Variants in LIMD1 observed in about 807,000 individuals in gnomAD.
The protein encoded by LIMD1 is LIM domain containing 1, also known as LIM domain-containing protein 1.
LIMD1 carries 23 observed loss-of-function variants against 58.4 expected under a neutral mutation model. That is an observed-to-expected ratio of 0.39 (90% CI 0.28 to 0.56). The LOEUF is 0.56. Ranked by LOEUF, LIMD1 falls within the 20% of genes least tolerant of loss-of-function variation. LIMD1 has a pLI of 0.57. For synonymous variants in LIMD1, 334 were observed against 345.5 expected (o/e 0.97, Z 0.37); for missense variants, 838 against 855.5 (o/e 0.98, Z 0.25).
At chr3:45,647,001 A>C (rs1354878648) in intron 2 of LIMD1, among the ~76,000 whole-genome samples, 2 of 152,168 alleles carry the variant, frequency 1.3e-5, no homozygotes, top group Non-Finnish European at 2.9e-5. Flanking sequence ...ATTAGTAGGA[A>C]ATTATTCATG....
Position 45,595,509 on chromosome 3 carries a change from C to T in LIMD1, c.630C>T (p.Ser210=). Residue 210 remains serine (S), a synonymous_variant, in exon 1 of 8, where the codon AGC becomes AGT. Coordinates refer to ENST00000273317, the MANE Select transcript of LIMD1 (RefSeq NM_014240.3). ...IGLSVGSGWP[S]SPGSDPPLPK... is the part of the protein sequence containing the mutation. ...TGAGTGTAGGGAGTGGGTGGCCTAG[C>T]TCCCCGGGGAGTGACCCACCACTGC... 6.2e-7 allele frequency: 1 copy of T among 1,613,996 alleles called. No homozygotes were observed. The highest frequency in any genetic ancestry group is 8.5e-7 in the Non-Finnish European group (1 of 1,179,988).
chr3:45,666,504 A>G (rs113997208), intron 3 of LIMD1, among the ~76,000 whole-genome samples: 6,352 of 152,056 alleles, frequency 0.042, 147 homozygotes, highest in African/African-American at 0.069. Flanking sequence ...GCCCACACCT[A>G]TGCAACCTCA....
At position 45,622,061 on chromosome 3, in the gene LIMD1, C is replaced by CAA. The variant is rs34085619; in HGVS notation, c.1409-14075_1409-14074dup. Among the ~76,000 whole-genome samples, 757 of 108,618 alleles carry CAA rather than the reference C, an allele frequency of 7.0e-3. 5 individuals are homozygous for CAA. The highest frequency in any genetic ancestry group is 0.011 in the Middle Eastern group (2 of 190). The allele number at this position is 108,618 out of a possible 152,430, so 71.3% of individuals were successfully genotyped here. ...CTGGCGACAGAGCGAGACTCCATCT[C>CAA]AAAAAAAAAAAAAAAGAAATTGTGT... On this transcript the variant is annotated intron_variant, in intron 1 of 7. Coordinates refer to ENST00000273317, the MANE Select transcript of LIMD1 (RefSeq NM_014240.3).
intron 1 of LIMD1, among the ~76,000 whole-genome samples, chr3:45,631,720 T>C (rs956542158): frequency 6.6e-6 from 1 of 152,072 alleles, no homozygotes; most frequent in Non-Finnish European, 1.5e-5. Flanking sequence ...CGTTGAGAGA[T>C]AAAGTGGCAG....
At chr3:45,639,057 CAG>C (rs1472803689) in intron 2 of LIMD1, among the ~76,000 whole-genome samples, 3 of 152,160 alleles carry the variant, frequency 2.0e-5, no homozygotes, top group African/African-American at 4.8e-5. Flanking sequence ...TTTGTAGAGA[CAG>C]AGGTCTCGCT....
At chr3:45,622,687 TA>T (rs1296642899) in intron 1 of LIMD1, among the ~76,000 whole-genome samples, 1 of 150,774 alleles carries the variant, frequency 6.6e-6, no homozygotes, top group Non-Finnish European at 1.5e-5. Context: ...TTTTTTTTTT[TA>T]AACAGAGTCT....
At chr3:45,674,834 C>T (rs1247580087) in intron 7 of LIMD1, among the ~76,000 whole-genome samples, 2 of 152,148 alleles carry the variant, frequency 1.3e-5, no homozygotes, top group African/African-American at 2.4e-5. Flanking sequence ...ATCATGAAGC[C>T]CCTCTTGGAA....
chr3:45,624,411 T>C (rs1396772768), intron 1 of LIMD1, among the ~76,000 whole-genome samples: 1 of 152,010 alleles, frequency 6.6e-6, no homozygotes, highest in Non-Finnish European at 1.5e-5. Flanking sequence ...CCTTTTTATT[T>C]AAAAGCTTTC....
In LIMD1 at chr3:45,682,416, T is replaced by C. The variant is rs1697756435; in HGVS notation, c.*5357T>C. ...CCACTTTCCAGCTACCAGCAAGGCA[T>C]CCTGGCACCAGGGATTGGGAGGAGA... On this transcript the variant is annotated 3_prime_UTR_variant, in exon 8 of 8. Transcript: ENST00000273317. 1 of 152,366 alleles carries C rather than the reference T, an allele frequency of 6.6e-6. No homozygotes were observed. Among genetic ancestry groups the C allele is most frequent in the Non-Finnish European group, 1.5e-5 (1 of 68,112 alleles). 9.4% of individuals were successfully genotyped at this position (152,366 alleles called of 1,614,324 possible).
chr3:45,652,453 T>G (rs1701984331), intron 2 of LIMD1, among the ~76,000 whole-genome samples: 1 of 152,268 alleles, frequency 6.6e-6, no homozygotes, highest in Non-Finnish European at 1.5e-5. Flanking sequence ...CCTGCCTCTT[T>G]GCATGCCTGG....
intron 2 of LIMD1, among the ~76,000 whole-genome samples, chr3:45,642,620 G>T (rs1447541711): frequency 6.6e-6 from 1 of 152,110 alleles, no homozygotes; most frequent in Admixed American, 6.6e-5. Flanking sequence ...AAACAATGTT[G>T]TATCCTTTTC....
intron 2 of LIMD1, among the ~76,000 whole-genome samples, chr3:45,645,604 A>G (rs1701896523): frequency 6.6e-6 from 1 of 152,172 alleles, no homozygotes; most frequent in African/African-American, 2.4e-5. Context: ...CAGGAGCATC[A>G]CACCGTAATT....
At chr3:45,628,761 T>G (rs1456245038) in intron 1 of LIMD1, among the ~76,000 whole-genome samples, 1 of 152,222 alleles carries the variant, frequency 6.6e-6, no homozygotes, top group Admixed American at 6.5e-5. Context: ...AAACAACTTA[T>G]GTGCATCAAC....
At chr3:45,625,068 G>A (rs1701657883) in intron 1 of LIMD1, among the ~76,000 whole-genome samples, 1 of 151,340 alleles carries the variant, frequency 6.6e-6, no homozygotes, top group Admixed American at 6.6e-5. Context: ...CAGTTTTGCC[G>A]TATGTTAATG....
Position 45,596,105 on chromosome 3 carries a change from C to G in LIMD1, c.1226C>G (p.Ser409Cys). The G allele has an allele frequency of 6.2e-7, 1 of 1,614,224 alleles. No homozygotes were observed. Among genetic ancestry groups the G allele is most frequent in the Non-Finnish European group, 8.5e-7 (1 of 1,180,044 alleles). Reference sequence around the variant, plus strand: ...TGTAAAGAGGGTCCCCTGGGCTGGTCTTCTGATGGTAGCCTGGGATCTGTG... The same window carrying G: ...TGTAAAGAGGGTCCCCTGGGCTGGTGTTCTGATGGTAGCCTGGGATCTGTG... The part of the protein sequence containing the change: ...LSCKEGPLGW[S>C]SDGSLGSVLL... The change falls in exon 1 of 8, where the codon TCT (serine) becomes TGT (cysteine). Residue 409 changes from serine (S) to cysteine (C), a missense_variant. Ser to Cys is a moderately radical substitution (Grantham distance 112). Transcript: ENST00000273317.
chr3:45,677,047 GCAC>G lies in LIMD1; in HGVS notation c.2023_2025del (p.His675del), dbSNP rs754796392. 4 of 1,613,762 alleles carry G rather than the reference GCAC, an allele frequency of 2.5e-6. No homozygotes were observed. The highest frequency in any genetic ancestry group is 2.5e-6 in the Non-Finnish European group (3 of 1,179,996). On this transcript the variant is annotated inframe_deletion, in exon 8 of 8. Coordinates refer to ENST00000273317, the MANE Select transcript of LIMD1 (RefSeq NM_014240.3). ...GACCCTCATCTACAGCCCTTCACCA[GCAC>G]CACTTCTAGCCAGAGCCACTTGCAG...
chr3:45,640,051 T>G (rs1701826568), intron 2 of LIMD1, among the ~76,000 whole-genome samples: 1 of 152,268 alleles, frequency 6.6e-6, no homozygotes, highest in African/African-American at 2.4e-5. Flanking sequence ...CCAAGGCTGC[T>G]AGAGTGGCTG....
At chr3:45,610,084 C>T (rs1260044553) in intron 1 of LIMD1, among the ~76,000 whole-genome samples, 1 of 152,130 alleles carries the variant, frequency 6.6e-6, no homozygotes, top group Non-Finnish European at 1.5e-5. Flanking sequence ...CCCAGCTACT[C>T]GGGAGGCTGA....
chr3:45,629,162 C>T (rs932586804), intron 1 of LIMD1, among the ~76,000 whole-genome samples: 1 of 151,878 alleles, frequency 6.6e-6, no homozygotes, highest in African/African-American at 2.4e-5. Flanking sequence ...GCCTGTATTC[C>T]CAGCACTTTG....
Sources: gnomAD v4.1 joint callset for allele counts (sites outside exome capture counted in the v4.1 genomes callset) on GRCh38, gnomAD v4.1.1 for gene constraint, MANE v1.5 for transcripts, NCBI Gene and HGNC (gene_info 2026-07-23, HGNC 2026-07-21) for gene names.